The following SCHIP1 variants were observed in gnomAD, a reference collection of about 807,000 sequenced individuals.
SCHIP1 encodes the protein schwannomin interacting protein 1.
In SCHIP1, 8 loss-of-function variants were observed where a neutral mutation model predicts 29.7. The observed-to-expected ratio is 0.27, with a 90% CI of 0.16 to 0.49. SCHIP1 has a LOEUF of 0.49. SCHIP1 is among the 20% of genes least tolerant of loss of function. SCHIP1 has a pLI of 0.99. For synonymous variants in SCHIP1, 76 were observed against 94.9 expected, an observed-to-expected ratio of 0.80 and a Z score of 1.16; for missense variants, 193 against 294.6, an observed-to-expected ratio of 0.66 and a Z score of 2.52.
chr3:159,856,586 T>C (rs1438428160), intron 1 of SCHIP1, among the ~76,000 whole-genome samples: 1 of 152,170 alleles, frequency 6.6e-6, no homozygotes, highest in East Asian at 1.9e-4. Flanking sequence ...ATGCAGGGAA[T>C]CTGGTATTGC....
chr3:159,359,767 C>A, the SCHIP1 span, among the ~76,000 whole-genome samples: 2 of 152,110 alleles, frequency 1.3e-5, no homozygotes, highest in Non-Finnish European at 1.5e-5. Flanking sequence ...CAGAAGGAAG[C>A]TCATGCTTTA....
the SCHIP1 span, among the ~76,000 whole-genome samples, chr3:159,491,426 G>A: frequency 4.6e-5 from 7 of 152,216 alleles, no homozygotes; most frequent in Non-Finnish European, 1.0e-4. Flanking sequence ...CTTTTCCAAC[G>A]GGTTTAACAA....
the SCHIP1 span, among the ~76,000 whole-genome samples, chr3:159,292,688 G>A: frequency 1.3e-4 from 20 of 152,264 alleles, no homozygotes; most frequent in East Asian, 1.2e-3. Flanking sequence ...TGGAATGTGC[G>A]TGCTAGTTAA....
chr3:159,607,080 G>A, the SCHIP1 span, among the ~76,000 whole-genome samples: 2 of 152,222 alleles, frequency 1.3e-5, no homozygotes, highest in African/African-American at 4.8e-5. Flanking sequence ...CAAAAGAACA[G>A]TCTTGAGAAT....
At chr3:159,853,319 C>T in intron 1 of SCHIP1, 1 of 655,436 alleles carries the variant, frequency 1.5e-6, no homozygotes, top group East Asian at 2.9e-5. Context: ...GCAATTGGCA[C>T]ATCAGCCTAT....
chr3:159,825,608 G>T, the SCHIP1 span, among the ~76,000 whole-genome samples: 1 of 152,236 alleles, frequency 6.6e-6, no homozygotes, highest in East Asian at 1.9e-4. Context: ...AGAACTTCTC[G>T]AGAATTTCAT....
the SCHIP1 span, among the ~76,000 whole-genome samples, chr3:159,597,363 A>G: frequency 2.6e-5 from 4 of 152,156 alleles, no homozygotes; most frequent in Admixed American, 2.6e-4. Context: ...CTACTCTGCT[A>G]TTAGACACTG....
the SCHIP1 span, among the ~76,000 whole-genome samples, chr3:159,502,955 C>T: frequency 6.6e-6 from 1 of 152,282 alleles, no homozygotes; most frequent in Admixed American, 6.5e-5. Context: ...CGCTAAAAGG[C>T]GGTAGATTGA....
chr3:159,689,793 T>A, the SCHIP1 span, among the ~76,000 whole-genome samples: 2 of 152,180 alleles, frequency 1.3e-5, no homozygotes, highest in Non-Finnish European at 2.9e-5. Context: ...GTTTATTGAG[T>A]GTTTTTAGCA....
chr3:159,313,246 G>A, the SCHIP1 span, among the ~76,000 whole-genome samples: 2 of 152,296 alleles, frequency 1.3e-5, no homozygotes, highest in South Asian at 2.1e-4. Context: ...AGCAAGATAC[G>A]CAGGAAAGAA....
the SCHIP1 span, among the ~76,000 whole-genome samples, chr3:159,664,546 T>C: frequency 2.0e-5 from 3 of 152,178 alleles, no homozygotes; most frequent in Admixed American, 6.5e-5. Context: ...ACATTATAAG[T>C]TCAATAGAGT....
the SCHIP1 span, among the ~76,000 whole-genome samples, chr3:159,640,005 C>A: frequency 6.6e-6 from 1 of 152,040 alleles, no homozygotes; most frequent in Admixed American, 6.6e-5. Flanking sequence ...TGATTTGTAT[C>A]TTTTTTTCCC....
chr3:159,679,249 AT>A, the SCHIP1 span, among the ~76,000 whole-genome samples: 5 of 152,140 alleles, frequency 3.3e-5, no homozygotes, highest in African/African-American at 9.7e-5. Flanking sequence ...AAAAAAAAAA[AT>A]CTCCCTCAAA....
chr3:159,465,955 G>T, the SCHIP1 span, among the ~76,000 whole-genome samples: 1 of 152,090 alleles, frequency 6.6e-6, no homozygotes, highest in African/African-American at 2.4e-5. Context: ...CCTACTGAGT[G>T]AATGAGCTAA....
the SCHIP1 span, among the ~76,000 whole-genome samples, chr3:159,478,920 A>G: frequency 6.6e-6 from 1 of 152,134 alleles, no homozygotes; most frequent in Non-Finnish European, 1.5e-5. Context: ...GTATCCTGCA[A>G]CTTTACTAAA....
At chr3:159,400,965 C>T in the SCHIP1 span, among the ~76,000 whole-genome samples, 1 of 152,106 alleles carries the variant, frequency 6.6e-6, no homozygotes, top group African/African-American at 2.4e-5. Context: ...TGTTAATGAA[C>T]ATAATAATAG....
chr3:159,892,801 T>A (rs1717673990), intron 6 of SCHIP1: 1 of 152,794 alleles, frequency 6.5e-6, no homozygotes, highest in Admixed American at 6.5e-5. Flanking sequence ...ATTTTGCACT[T>A]CTTTGTAGAT....
At chr3:159,828,455 A>ATATATACGTATATATATACG in the SCHIP1 span, among the ~76,000 whole-genome samples, 1 of 131,360 alleles carries the variant, frequency 7.6e-6, no homozygotes, top group African/African-American at 3.2e-5. Context: ...ATATATACGT[A>ATATATACGTATATATATACG]TATATATGTA....
chr3:159,313,414 A>G, the SCHIP1 span, among the ~76,000 whole-genome samples: 1 of 152,248 alleles, frequency 6.6e-6, no homozygotes, highest in Non-Finnish European at 1.5e-5. Context: ...TTTTGTTGGC[A>G]CAAATGCCAC....
Sources: allele counts gnomAD v4.1 joint callset (sites outside exome capture counted in the v4.1 genomes callset), GRCh38; gene constraint gnomAD v4.1.1; transcripts MANE v1.5; gene names NCBI Gene and HGNC (gene_info 2026-07-23, HGNC 2026-07-21).